ADGRE5: variants seen among roughly 807,000 people sequenced by gnomAD.
ADGRE5 encodes adhesion G protein-coupled receptor E5, also known as CD97 molecule.
ADGRE5 carries 72 observed loss-of-function variants against 100.3 expected under a neutral mutation model. That is an observed-to-expected ratio of 0.72 (90% confidence interval 0.59 to 0.87). The LOEUF is 0.87. Ranked by LOEUF, ADGRE5 falls within the 40% of genes least tolerant of loss-of-function variation. The pLI, the probability that ADGRE5 is intolerant of heterozygous loss-of-function variation, is 0.00. For synonymous variants in ADGRE5, 439 were observed against 447.8 expected (o/e 0.98, Z 0.25); for missense variants, 959 against 1,094.7 (o/e 0.88, Z 1.75).
chr19:14,406,287 T>A lies in ADGRE5; in HGVS notation c.1822-44T>A. ...GACTGGCTCTGGCGCCGCATGCCCC[T>A]CCCCGCGCTGACGTCGCTCCGCCCC... On this transcript the variant is annotated intron_variant, in intron 14 of 19. Transcript: ENST00000242786. The surrounding 1 kb of genome is among the most constrained non-coding windows in gnomAD (Gnocchi z 6.0). 2 of 1,445,452 alleles carry A rather than the reference T, an allele frequency of 1.4e-6. No homozygotes were observed. Among genetic ancestry groups the A allele is most frequent in the South Asian group, 2.5e-5 (2 of 79,424 alleles). The allele number at this position is 1,445,452 out of a possible 1,614,324, so 89.5% of individuals were successfully genotyped here.
chr19:14,395,713 A>C (rs1975752018), intron 4 of ADGRE5, among the ~76,000 whole-genome samples: 1 of 152,134 alleles, frequency 6.6e-6, no homozygotes, highest in South Asian at 2.1e-4. Flanking sequence ...GCCTGGCTGG[A>C]CATCAGCCCC....
At chr19:14,399,767 A>G (rs1200688867) in intron 9 of ADGRE5, among the ~76,000 whole-genome samples, 1 of 151,454 alleles carries the variant, frequency 6.6e-6, no homozygotes, top group East Asian at 1.9e-4. Flanking sequence ...CAGTTTTCCC[A>G]TATGTTTTTA....
chr19:14,389,216 A>AGAG, intron 3 of ADGRE5, among the ~76,000 whole-genome samples: 1 of 25,454 alleles, frequency 3.9e-5, no homozygotes, highest in East Asian at 1.0e-3. Context: ...AGGGGGAGGG[A>AGAG]GAAGGGGAGG....
At chr19:14,388,596 G>T in intron 2 of ADGRE5, 96 bp downstream of exon 2, 4 of 1,605,648 alleles carry the variant, frequency 2.5e-6, no homozygotes, top group Admixed American at 3.4e-5. Context: ...GGGAAAGAGA[G>T]GGCTCGCGCA....
intron 13 of ADGRE5, chr19:14,404,845 C>T: frequency 2.5e-6 from 1 of 407,632 alleles, no homozygotes; most frequent in Non-Finnish European, 4.4e-6. Flanking sequence ...GGAGAGCATT[C>T]CAAGGGGGCA....
At chr19:14,395,134 G>C (rs138925603) in intron 4 of ADGRE5, among the ~76,000 whole-genome samples, 2 of 152,054 alleles carry the variant, frequency 1.3e-5, no homozygotes, top group East Asian at 3.9e-4. Flanking sequence ...AACCCTGTCT[G>C]TACTAAAAAT....
At chr19:14,387,514 G>C (rs1403846267) in intron 1 of ADGRE5, among the ~76,000 whole-genome samples, 1 of 150,814 alleles carries the variant, frequency 6.6e-6, no homozygotes, top group Non-Finnish European at 1.5e-5. Context: ...GGATCACGAG[G>C]TCAGGAGATC....
chr19:14,398,338 A>G (rs1219628840), intron 9 of ADGRE5, 199 bp downstream of exon 9: 2 of 589,622 alleles, frequency 3.4e-6, no homozygotes, highest in African/African-American at 3.7e-5. Context: ...GCACACACAC[A>G]CACCAGGTAT....
chr19:14,397,001 G>T (rs1331195773), intron 5 of ADGRE5, 76 bp from the exon 6 acceptor site: 1 of 1,444,430 alleles, frequency 6.9e-7, no homozygotes, highest in African/African-American at 1.4e-5. Context: ...GAAAAGATAG[G>T]GGAGTGGGTG....
chr19:14,387,935 G>C (rs1001934946), intron 1 of ADGRE5, among the ~76,000 whole-genome samples: 1 of 152,096 alleles, frequency 6.6e-6, no homozygotes, highest in Admixed American at 6.6e-5. Context: ...AATTAGCCGG[G>C]TGTGGTGGCA....
intron 9 of ADGRE5, among the ~76,000 whole-genome samples, chr19:14,399,480 C>T (rs1386913702): frequency 1.4e-5 from 2 of 138,050 alleles, no homozygotes; most frequent in Non-Finnish European, 1.5e-5. Context: ...AGGAGAATGG[C>T]GTGAACCCGG....
At position 14,401,732 on chromosome 19, in the gene ADGRE5, G is replaced by T; in HGVS notation, c.1155G>T (p.Trp385Cys). 6.4e-7 allele frequency: 1 copy of T among 1,564,820 alleles called. No homozygotes were observed. The highest frequency in any genetic ancestry group is 8.6e-7 in the Non-Finnish European group (1 of 1,156,584). ...GCAGCGCACGCATGAAGCTGAATTG[G>T]GCTGTGGCAGCTGGAGCCGAGGATC... is the stretch of plus-strand genomic sequence containing the variant. ...GQSSARMKLN[W>C]AVAAGAEDPG... The change falls in exon 11 of 20, where the codon TGG (tryptophan) becomes TGT (cysteine). Residue 385 changes from tryptophan to cysteine, a missense_variant. By Grantham distance (215) the Trp-to-Cys change is radical. Transcript: ENST00000242786. The surrounding 1 kb of genome is among the most constrained non-coding windows in gnomAD (Gnocchi z 4.1).
Position 14,401,803 on chromosome 19 carries a change from G to A in ADGRE5, c.1183+43G>A. On this transcript the variant is annotated intron_variant, in intron 11 of 19. Transcript: ENST00000242786. The surrounding 1 kb of genome is among the most constrained non-coding windows in gnomAD (Gnocchi z 4.1). Reference sequence around the variant, plus strand: ...GAGGGGGAGCCCGTGGGAGAGAGATGGAGGTGCTGGGATGGGGCCAGGGTG... The same window carrying A: ...GAGGGGGAGCCCGTGGGAGAGAGATAGAGGTGCTGGGATGGGGCCAGGGTG... 7.5e-7 allele frequency: 1 copy of A among 1,340,098 alleles called. No individual in the cohort carries two copies. Among genetic ancestry groups the A allele is most frequent in the Non-Finnish European group, 1.0e-6 (1 of 978,048 alleles). The allele number at this position is 1,340,098 out of a possible 1,614,324, so 83.0% of individuals were successfully genotyped here. A position where few individuals can be genotyped will look rare whatever the true frequency, so the allele number is the denominator to read the frequency against.
Position 14,402,700 on chromosome 19 carries a change from A to G in ADGRE5, c.1287A>G (p.Ile429Met), listed in dbSNP as rs1215207872. 1.9e-6 allele frequency: 3 copies of G among 1,614,150 alleles called. No individual in the cohort carries two copies. The highest frequency in any genetic ancestry group is 2.7e-5 in the African/African-American group (2 of 75,046). Residue 429 changes from isoleucine (I) to methionine (M), a missense_variant, in exon 12 of 20, where the codon ATA becomes ATG. Ile to Met is a conservative substitution (Grantham distance 10). This residue lies in a region of ADGRE5 where 246 missense variants were observed against 242.2 expected (regional missense o/e 1.02). Transcript: ENST00000242786. ...HSKKQAELEEIYESSIRGVQL... is the reference protein window; with the variant it reads ...HSKKQAELEEMYESSIRGVQL... ...AGAAGCAAGCCGAACTGGAGGAGAT[A>G]TATGAAAGCAGCATCCGTGGTGTCC...
rs747745619 is a variant in ADGRE5 at position 14,397,926 on chromosome 19, C to A, written c.810C>A (p.Val270=). The A allele has an allele frequency of 2.9e-6, 4 of 1,371,496 alleles. No homozygotes were observed. Among genetic ancestry groups the A allele is most frequent in the African/African-American group, 1.7e-5 (1 of 60,056 alleles). The allele number at this position is 1,371,496 out of a possible 1,614,324, so 85.0% of individuals were successfully genotyped here. Residue 270 remains valine, a synonymous_variant, in exon 8 of 20, where the codon GTC becomes GTA. Transcript: ENST00000242786. ...TFSTWTPPPG[V]HSQTLSRFFD... is the part of the protein sequence containing the mutation. ...CCACCTGGACCCCGCCCCCTGGAGTCCACAGCCAGGTGAGTGGCCCCCACA... is the reference window on the plus strand; with the variant it reads ...CCACCTGGACCCCGCCCCCTGGAGTACACAGCCAGGTGAGTGGCCCCCACA...
intron 9 of ADGRE5, 119 bp downstream of exon 9, chr19:14,398,258 C>T: frequency 1.2e-6 from 1 of 826,178 alleles, no homozygotes; most frequent in South Asian, 1.5e-5. Context: ...CACACATGCG[C>T]ATAACATACA....
rs1343456747 is a variant in ADGRE5, at chr19:14,402,835, G to A, written c.1422G>A (p.Gly474=). ...FAFSHLESSD[G]EAGRDPPAKD... ...TCTCCCACCTTGAGTCCTCCGATGG[G>A]GAGGCGGGAAGAGACCCTCCTGCCA... Residue 474 remains glycine, a synonymous_variant, in exon 12 of 20, where the codon GGG becomes GGA. Coordinates refer to ENST00000242786, the MANE Select transcript of ADGRE5 (RefSeq NM_078481.4). The A allele has an allele frequency of 6.2e-7, 1 of 1,613,854 alleles. No individual in the cohort carries two copies. The highest frequency in any genetic ancestry group is 8.5e-7 in the Non-Finnish European group (1 of 1,179,992).
In ADGRE5 at chr19:14,406,890, A is replaced by C. The variant is rs1162692759; in HGVS notation, c.2137A>C (p.Thr713Pro). The C allele has an allele frequency of 6.2e-7, 1 of 1,614,180 alleles. No homozygotes were observed. Among genetic ancestry groups the C allele is most frequent in the East Asian group, 2.2e-5 (1 of 44,886 alleles). Reference protein sequence around the residue: ...IILCNAVIFVTTVWKLTQKFS... With the variant: ...IILCNAVIFVPTVWKLTQKFS... ...CCAGTGCAATGCTGTCATTTTCGTG[A>C]CTACCGTCTGGAAGCTCACTCAGAA... Residue 713 changes from threonine (T) to proline (P), a missense_variant, in exon 17 of 20, where the codon ACT becomes CCT. By Grantham distance (38) the Thr-to-Pro change is conservative (BLOSUM62 -1). This residue lies in a region of ADGRE5 where 428 missense variants were observed against 386.2 expected (regional missense o/e 1.11). Transcript: ENST00000242786. The surrounding 1 kb of genome is among the most constrained non-coding windows in gnomAD (Gnocchi z 6.0).
intron 2 of ADGRE5, 34 bp from the exon 3 acceptor site, chr19:14,388,668 C>A (rs1381649992): frequency 6.2e-7 from 1 of 1,610,524 alleles, no homozygotes; most frequent in East Asian, 2.2e-5. Flanking sequence ...TTCCCTTACC[C>A]CTCACCTTCT....
Sources: allele counts gnomAD v4.1 joint callset (sites outside exome capture counted in the v4.1 genomes callset), GRCh38; gene constraint gnomAD v4.1.1; regional missense constraint gnomAD v4.1.1; non-coding constraint Gnocchi (gnomAD v3.1); transcripts MANE v1.5; gene names NCBI Gene and HGNC (gene_info 2026-07-23, HGNC 2026-07-21).